ZNF385D: variants seen among roughly 807,000 people sequenced by gnomAD.
The protein encoded by ZNF385D is zinc finger protein 659.
ZNF385D carries 15 observed loss-of-function variants against 35.8 expected under a neutral mutation model. The observed-to-expected ratio is 0.42, with a 90% CI of 0.28 to 0.64. The LOEUF (loss-of-function observed/expected upper bound fraction) is 0.64, where lower values mean the gene tolerates loss of function less well. Ranked by LOEUF, ZNF385D falls within the 30% of genes least tolerant of loss-of-function variation. The pLI is 0.23. For synonymous variants in ZNF385D, 212 were observed against 186.8 expected (o/e 1.13, Z -1.10); for missense variants, 474 against 494.6 (o/e 0.96, Z 0.39).
rs59142054 is a variant in ZNF385D at position 22,134,349 on chromosome 3, C to T, written c.325+34468G>A. 12 of 152,052 alleles carry T rather than the reference C, an allele frequency of 7.9e-5. No individual in the cohort carries two copies. The East Asian group carries it at 2.3e-3, about 30-fold the overall frequency. 9.4% of individuals were successfully genotyped at this position (152,052 alleles called of 1,614,324 possible). A position where few individuals can be genotyped will look rare whatever the true frequency, so the allele number is the denominator to read the frequency against. ...AGATATAATGCTAAATGGATATGTCCCTACCATGGAACTTCCAAATGCTTG... is the reference window on the plus strand; with the variant it reads ...AGATATAATGCTAAATGGATATGTCTCTACCATGGAACTTCCAAATGCTTG... On this transcript the variant is annotated intron_variant, in intron 3 of 5. Coordinates refer to the ZNF385D transcript ENST00000494108.
At chr3:22,346,995 A>G (rs879316711) in intron 2 of ZNF385D, among the ~76,000 whole-genome samples, 2 of 152,162 alleles carry the variant, frequency 1.3e-5, no homozygotes, top group East Asian at 1.9e-4. Flanking sequence ...ACCATTTGGG[A>G]CTTTCAATCT....
At chr3:22,235,485 T>G (rs1233636270) in intron 2 of ZNF385D, among the ~76,000 whole-genome samples, 1 of 152,074 alleles carries the variant, frequency 6.6e-6, no homozygotes, top group African/African-American at 2.4e-5. Flanking sequence ...ATCTTCAGTG[T>G]GTCCAAAATA....
At chr3:22,332,990 G>C (rs7615401) in intron 2 of ZNF385D, among the ~76,000 whole-genome samples, 4 of 151,572 alleles carry the variant, frequency 2.6e-5, no homozygotes, top group African/African-American at 9.7e-5. Flanking sequence ...TTTCAGAGAA[G>C]GCCTGCTGGA....
chr3:21,521,822 G>GA (rs914818212), intron 3 of ZNF385D, among the ~76,000 whole-genome samples: 1 of 152,100 alleles, frequency 6.6e-6, no homozygotes, highest in South Asian at 2.1e-4. Context: ...AAAAATACTA[G>GA]AAAAAAATGT....
chr3:22,334,714 CCTA>C (rs1423413398), intron 2 of ZNF385D, among the ~76,000 whole-genome samples: 1 of 151,898 alleles, frequency 6.6e-6, no homozygotes, highest in East Asian at 1.9e-4. Flanking sequence ...GACATTTTAC[CCTA>C]CTTTTATTAT....
intron 3 of ZNF385D, among the ~76,000 whole-genome samples, chr3:21,817,157 T>C (rs1434689738): frequency 6.6e-6 from 1 of 152,168 alleles, no homozygotes; most frequent in African/African-American, 2.4e-5. Context: ...TTGGATCCCT[T>C]CTTGACACCT....
At chr3:21,911,673 T>A (rs1353633679) in intron 3 of ZNF385D, among the ~76,000 whole-genome samples, 1 of 151,726 alleles carries the variant, frequency 6.6e-6, no homozygotes, top group Non-Finnish European at 1.5e-5. Flanking sequence ...TACATTTTTT[T>A]ATTAACATTA....
chr3:21,633,712 T>C (rs1458421085), intron 2 of ZNF385D, among the ~76,000 whole-genome samples: 2 of 152,170 alleles, frequency 1.3e-5, no homozygotes, highest in Non-Finnish European at 2.9e-5. Flanking sequence ...TAGCATTGTA[T>C]TCTTGTAATG....
Position 21,421,154 on chromosome 3 carries a change from G to T in ZNF385D, c.*60C>A. ...AATAAACACTGCATAGTTCTCTTTT[G>T]TTTGTTTTGTTTTTTGTTTTTTGAA... On this transcript the variant is annotated 3_prime_UTR_variant, in exon 8 of 8. Coordinates refer to ENST00000281523, the MANE Select transcript of ZNF385D (RefSeq NM_024697.3). 2 of 1,327,428 alleles carry T rather than the reference G, an allele frequency of 1.5e-6. No homozygotes were observed. Among genetic ancestry groups the T allele is most frequent in the Non-Finnish European group, 2.1e-6 (2 of 950,318 alleles). The allele number at this position is 1,327,428 out of a possible 1,614,324, so 82.2% of individuals were successfully genotyped here. A position where few individuals can be genotyped will look rare whatever the true frequency, so the allele number is the denominator to read the frequency against.
In ZNF385D at chr3:21,575,275, G is replaced by C. The variant is rs138505152; in HGVS notation, c.166-10591C>G. 4.2e-3 allele frequency among the ~76,000 whole-genome samples: 637 copies of C among 152,250 alleles called. 3 individuals are homozygous for C. Among genetic ancestry groups the C allele is most frequent in the South Asian group, 7.0e-3 (34 of 4,826 alleles). Reference sequence around the variant, plus strand: ...ACCAAGACCCAGGTCTGTGCAGGGTGGAGGTGGGAGGGTGGTGTTTAATGG... The same window carrying C: ...ACCAAGACCCAGGTCTGTGCAGGGTCGAGGTGGGAGGGTGGTGTTTAATGG... On this transcript the variant is annotated intron_variant, in intron 2 of 7. Coordinates refer to ENST00000281523, the MANE Select transcript of ZNF385D (RefSeq NM_024697.3).
chr3:21,448,140 A>C (rs1035442294), intron 4 of ZNF385D, among the ~76,000 whole-genome samples: 1 of 152,172 alleles, frequency 6.6e-6, no homozygotes, highest in African/African-American at 2.4e-5. Flanking sequence ...CATTGCTCAG[A>C]CATCTAGATT....
chr3:22,272,617 C>A (rs1701234232), intron 2 of ZNF385D, among the ~76,000 whole-genome samples: 1 of 151,936 alleles, frequency 6.6e-6, no homozygotes, highest in Non-Finnish European at 1.5e-5. Flanking sequence ...TTATGTAACA[C>A]AGTGTTATCA....
chr3:22,224,841 C>A (rs1260582660), intron 2 of ZNF385D, among the ~76,000 whole-genome samples: 2 of 152,168 alleles, frequency 1.3e-5, no homozygotes, highest in African/African-American at 4.8e-5. Context: ...TGGACCCACT[C>A]TGGAGCCAGA....
chr3:21,992,832 T>G lies in ZNF385D; in HGVS notation c.325+175985A>C, dbSNP rs182611766. Among the ~76,000 whole-genome samples the G allele has an allele frequency of 2.1e-3, 321 of 152,314 alleles. 1 individual carries two copies. The highest frequency in any genetic ancestry group is 3.3e-3 in the Non-Finnish European group (224 of 67,992). On this transcript the variant is annotated intron_variant, in intron 3 of 5. Transcript: ENST00000494108. ...TAGTCCCTCAGATATTTTGAATTAT[T>G]TGCAATAAAAATCTTCATGTGTAAA...
chr3:21,602,646 C>T (rs1237118428), intron 2 of ZNF385D, among the ~76,000 whole-genome samples: 2 of 149,562 alleles, frequency 1.3e-5, no homozygotes, highest in African/African-American at 2.5e-5. Context: ...CATTCTCCTG[C>T]CTCAGCCTCC....
At chr3:21,824,087 T>A (rs1441130146) in intron 3 of ZNF385D, among the ~76,000 whole-genome samples, 1 of 152,206 alleles carries the variant, frequency 6.6e-6, no homozygotes, top group Non-Finnish European at 1.5e-5. Context: ...ATTATGGCCA[T>A]CTGTGCAAAC....
intron 3 of ZNF385D, among the ~76,000 whole-genome samples, chr3:22,166,844 G>C (rs1381331416): frequency 6.6e-6 from 1 of 152,196 alleles, no homozygotes; most frequent in East Asian, 1.9e-4. Flanking sequence ...TGACTATCAA[G>C]ATAGGTGAAG....
At position 21,499,134 on chromosome 3, in the gene ZNF385D, C is replaced by G. The variant is rs572812516; in HGVS notation, c.439+11727G>C. On this transcript the variant is annotated intron_variant, in intron 4 of 7. Transcript: ENST00000281523. ...CCAGCAACCCCTTTTTTGAGTATATCTCCAAAGGAACATAAATCATTCTAC... is the reference window on the plus strand; with the variant it reads ...CCAGCAACCCCTTTTTTGAGTATATGTCCAAAGGAACATAAATCATTCTAC... Among the ~76,000 whole-genome samples, 7 of 152,002 alleles carry G rather than the reference C, an allele frequency of 4.6e-5. No homozygotes were observed. In the South Asian group the frequency reaches 1.2e-3, roughly 27 times the overall value.
chr3:21,604,855 TAAGGA>T (rs1055808775), intron 2 of ZNF385D, among the ~76,000 whole-genome samples: 1 of 152,118 alleles, frequency 6.6e-6, no homozygotes, highest in African/African-American at 2.4e-5. Flanking sequence ...TTTTAAAAGT[TAAGGA>T]AAGGCTAGTT....
Sources: allele counts gnomAD v4.1 joint callset (sites outside exome capture counted in the v4.1 genomes callset), GRCh38; gene constraint gnomAD v4.1.1; transcripts MANE v1.5; gene names NCBI Gene and HGNC (gene_info 2026-07-23, HGNC 2026-07-21).